PKN2: variants seen among roughly 807,000 people sequenced by gnomAD.
PKN2 encodes protein kinase N2, also known as serine/threonine-protein kinase N2.
In PKN2, 38 loss-of-function variants were observed where a neutral mutation model predicts 119.1. The ratio of observed to expected loss-of-function variants is 0.32; its 90% CI spans 0.25 to 0.42. PKN2 has a LOEUF of 0.42. Among genes scored for constraint, PKN2 ranks in the 10% least tolerant of loss-of-function variants. The pLI is 1.00. For synonymous variants in PKN2, 390 were observed against 384.9 expected, an observed-to-expected ratio of 1.01 and a Z score of -0.15; for missense variants, 850 against 1,165.1, an observed-to-expected ratio of 0.73 and a Z score of 3.94.
chr1:88,752,329 A>T (rs1317163264), intron 2 of PKN2, among the ~76,000 whole-genome samples: 1 of 152,068 alleles, frequency 6.6e-6, no homozygotes, highest in Non-Finnish European at 1.5e-5. Context: ...TCTTTGTCCC[A>T]GTTGATACCC....
intron 1 of PKN2, among the ~76,000 whole-genome samples, chr1:88,735,786 G>A (rs1006081461): frequency 4.6e-5 from 7 of 152,024 alleles, no homozygotes; most frequent in African/African-American, 1.7e-4. Context: ...TTGAGAATTT[G>A]ATTATGGTAT....
chr1:88,763,780 T>C (rs1669545699), intron 3 of PKN2, among the ~76,000 whole-genome samples: 1 of 152,164 alleles, frequency 6.6e-6, no homozygotes, highest in African/African-American at 2.4e-5. Flanking sequence ...AGTCATACTT[T>C]TGGTATCTTG....
rs751553124 is a variant in PKN2, at chr1:88,813,629, A to G, written c.2175A>G (p.Ala725=). ...ATCCCTTTTTGGTGAACCTTTTTGCATGTTTCCAAACCAAAGAGCATGTTT... is the reference window on the plus strand; with the variant it reads ...ATCCCTTTTTGGTGAACCTTTTTGCGTGTTTCCAAACCAAAGAGCATGTTT... ...VRHPFLVNLF[A]CFQTKEHVCF... The change falls in exon 16 of 22, where the codon GCA becomes GCG. Residue 725 remains alanine (A), a synonymous_variant. Transcript: ENST00000370521. The G allele has an allele frequency of 3.1e-6, 5 of 1,609,938 alleles. No individual in the cohort carries two copies. Among genetic ancestry groups the G allele is most frequent in the African/African-American group, 1.3e-5 (1 of 74,586 alleles).
chr1:88,701,537 G>A (rs1352842427), intron 1 of PKN2, among the ~76,000 whole-genome samples: 1 of 152,206 alleles, frequency 6.6e-6, no homozygotes, highest in Admixed American at 6.5e-5. Flanking sequence ...ACAAAAAACA[G>A]CAAAGCATTA....
intron 1 of PKN2, among the ~76,000 whole-genome samples, chr1:88,738,772 T>A (rs1181827030): frequency 6.6e-6 from 1 of 152,210 alleles, no homozygotes; most frequent in Non-Finnish European, 1.5e-5. Flanking sequence ...GAAACAAAAA[T>A]ATTTGGAGGA....
chr1:88,759,192 G>A (rs907915935), intron 2 of PKN2, among the ~76,000 whole-genome samples: 5 of 152,204 alleles, frequency 3.3e-5, no homozygotes, highest in Non-Finnish European at 5.9e-5. Flanking sequence ...GTGAAACTCC[G>A]CCTGTACTAA....
At chr1:88,745,144 C>T (rs1490665881) in intron 2 of PKN2, among the ~76,000 whole-genome samples, 1 of 152,112 alleles carries the variant, frequency 6.6e-6, no homozygotes, top group Admixed American at 6.5e-5. Context: ...ATGACAGGCC[C>T]ACAACTAACA....
chr1:88,718,485 G>C (rs1159328988), intron 1 of PKN2, among the ~76,000 whole-genome samples: 1 of 152,166 alleles, frequency 6.6e-6, no homozygotes, highest in East Asian at 1.9e-4. Context: ...AAGATTAGTG[G>C]AGACCAACTT....
intron 2 of PKN2, among the ~76,000 whole-genome samples, chr1:88,748,761 T>A (rs537102117): frequency 8.6e-4 from 108 of 125,032 alleles, no homozygotes; most frequent in African/African-American, 3.1e-3. Flanking sequence ...ATAGTGAAAC[T>A]TCATCTCCAC....
intron 2 of PKN2, among the ~76,000 whole-genome samples, chr1:88,759,807 A>C (rs1669365794): frequency 6.6e-6 from 1 of 152,186 alleles, no homozygotes; most frequent in African/African-American, 2.4e-5. Flanking sequence ...ACCTCCCAAG[A>C]CTGAGCCAGG....
chr1:88,755,860 A>G (rs1669176229), intron 2 of PKN2, among the ~76,000 whole-genome samples: 1 of 152,064 alleles, frequency 6.6e-6, no homozygotes, highest in Admixed American at 6.6e-5. Context: ...TTTCCTTAAG[A>G]ACAGTGTTAT....
chr1:88,730,977 CA>C (rs1192365833), intron 1 of PKN2, among the ~76,000 whole-genome samples: 4 of 152,162 alleles, frequency 2.6e-5, no homozygotes, highest in Non-Finnish European at 5.9e-5. Flanking sequence ...AACAAACAAA[CA>C]AAAAACACAA....
At chr1:88,833,182 T>G (rs1389051694) in intron 21 of PKN2, 25 bp downstream of exon 21, 5 of 1,610,362 alleles carry the variant, frequency 3.1e-6, no homozygotes, top group Non-Finnish European at 3.4e-6. Context: ...TTAAAATTTT[T>G]TATGAAACTA....
intron 1 of PKN2, among the ~76,000 whole-genome samples, chr1:88,711,629 T>C (rs555589807): frequency 6.6e-6 from 1 of 152,334 alleles, no homozygotes; most frequent in South Asian, 2.1e-4. Flanking sequence ...TCAATTTGGA[T>C]ATATAATGCA....
chr1:88,720,298 G>A (rs560405682), intron 1 of PKN2, among the ~76,000 whole-genome samples: 6 of 152,112 alleles, frequency 3.9e-5, no homozygotes, highest in Non-Finnish European at 8.8e-5. Context: ...AGGATTACAG[G>A]TGTGAGCCAC....
intron 6 of PKN2, among the ~76,000 whole-genome samples, chr1:88,772,176 A>G (rs547374443): frequency 5.9e-5 from 9 of 152,284 alleles, no homozygotes; most frequent in African/African-American, 2.2e-4. Context: ...GCTGCTAGCA[A>G]CTACTAATTG....
At chr1:88,823,969 A>T (rs1216844421) in intron 17 of PKN2, among the ~76,000 whole-genome samples, 4 of 142,734 alleles carry the variant, frequency 2.8e-5, no homozygotes, top group African/African-American at 5.2e-5. Flanking sequence ...AGACCACGCC[A>T]TTGCACTCCA....
chr1:88,819,848 G>T (rs1018548794), intron 16 of PKN2, among the ~76,000 whole-genome samples: 1 of 152,062 alleles, frequency 6.6e-6, no homozygotes, highest in Non-Finnish European at 1.5e-5. Context: ...ATGAGTTCAT[G>T]TCCTTTGCAG....
At position 88,805,952 on chromosome 1, in the gene PKN2, C is replaced by T. The variant is rs1159144376; in HGVS notation, c.1738C>T (p.Arg580Ter). Residue 580 changes from arginine (R) to a stop codon, truncating the protein, a stop_gained, in exon 12 of 22, where the codon CGA (arginine) becomes TGA (stop). Transcript: ENST00000370521. LOFTEE classifies it high-confidence loss of function. ...GCCTGAACCTCCTCCAGCCCCACCA[C>T]GAGCTTCTTCTCTTGGAGAAATAGA... ...LEPEPPPAPP[R>*]ASSLGEIDES... is the part of the protein sequence containing the mutation. The T allele has an allele frequency of 6.2e-7, 1 of 1,612,348 alleles. No homozygotes were observed. Among genetic ancestry groups the T allele is most frequent in the East Asian group, 2.2e-5 (1 of 44,876 alleles).
Sources: gnomAD v4.1 joint callset for allele counts (sites outside exome capture counted in the v4.1 genomes callset) on GRCh38, gnomAD v4.1.1 for gene constraint, MANE v1.5 for transcripts, NCBI Gene and HGNC (gene_info 2026-07-23, HGNC 2026-07-21) for gene names.